The following GPHN variants were observed in gnomAD, a reference collection of about 807,000 sequenced individuals.
The protein encoded by GPHN is gephyrin.
A neutral mutation model predicts 95.5 loss-of-function variants in GPHN; 17 were observed. The observed-to-expected ratio is 0.18, with a 90% confidence interval of 0.12 to 0.27. The LOEUF is 0.27. GPHN is among the 10% of genes least tolerant of loss of function. GPHN has a pLI of 1.00. For synonymous variants in GPHN, 320 were observed against 322.5 expected (o/e 0.99, Z 0.08); for missense variants, 660 against 978.1 (o/e 0.67, Z 4.34).
At chr14:66,839,140 C>G (rs566590337) in intron 4 of GPHN, among the ~76,000 whole-genome samples, 1 of 152,266 alleles carries the variant, frequency 6.6e-6, no homozygotes, top group East Asian at 1.9e-4. Flanking sequence ...CAAGTTCCTT[C>G]AAAAGATGCT....
At chr14:66,878,741 A>AG (rs1459703615) in intron 4 of GPHN, among the ~76,000 whole-genome samples, 1 of 152,204 alleles carries the variant, frequency 6.6e-6, no homozygotes, top group Non-Finnish European at 1.5e-5. Context: ...GATGTGGAAA[A>AG]ATAGGAATGC....
the GPHN span, chr14:67,656,616 T>C: frequency 6.3e-7 from 1 of 1,583,538 alleles, no homozygotes; most frequent in East Asian, 2.2e-5. Flanking sequence ...AGAGAAATGT[T>C]AGACTTTTTC....
At chr14:67,663,130 C>T in the GPHN span, 1 of 1,527,254 alleles carries the variant, frequency 6.5e-7, no homozygotes, top group Non-Finnish European at 8.7e-7. Flanking sequence ...CCCTTTCAGC[C>T]TTTCCCATTC....
the GPHN span, among the ~76,000 whole-genome samples, chr14:67,506,293 A>G: frequency 1.3e-5 from 2 of 152,192 alleles, no homozygotes; most frequent in Non-Finnish European, 2.9e-5. Flanking sequence ...ACCGTCTCCT[A>G]TGAATAACCA....
the GPHN span, among the ~76,000 whole-genome samples, chr14:67,696,267 T>C: frequency 6.6e-6 from 1 of 152,088 alleles, no homozygotes; most frequent in African/African-American, 2.4e-5. Context: ...CAGTGCCTGG[T>C]TCAGTTTTCC....
At chr14:66,935,997 ACTACT>A (rs1198365074) in intron 8 of GPHN, among the ~76,000 whole-genome samples, 2 of 152,180 alleles carry the variant, frequency 1.3e-5, no homozygotes, top group Non-Finnish European at 2.9e-5. Context: ...GGAATTCTTG[ACTACT>A]CTGCTATAGC....
At chr14:66,575,718 G>A (rs1441440549) in intron 1 of GPHN, among the ~76,000 whole-genome samples, 1 of 152,138 alleles carries the variant, frequency 6.6e-6, no homozygotes, top group Non-Finnish European at 1.5e-5. Context: ...TGGCATCAGA[G>A]TCTAATCAAG....
chr14:67,561,571 A>G, the GPHN span, among the ~76,000 whole-genome samples: 2 of 152,090 alleles, frequency 1.3e-5, no homozygotes, highest in Non-Finnish European at 2.9e-5. Context: ...CTCAGAAAAG[A>G]AAAGAATATG....
chr14:66,764,441 T>C (rs952285600), intron 2 of GPHN, among the ~76,000 whole-genome samples: 3 of 146,498 alleles, frequency 2.0e-5, no homozygotes, highest in Non-Finnish European at 4.5e-5. Flanking sequence ...ATATGGTAGG[T>C]TTTTTTTTTT....
the GPHN span, chr14:67,359,817 C>T: frequency 1.7e-6 from 2 of 1,178,444 alleles, no homozygotes; most frequent in Non-Finnish European, 1.2e-6. Flanking sequence ...CACTTGACCC[C>T]TCTTGTTGCT....
chr14:66,690,682 C>A (rs2067709025), intron 2 of GPHN, among the ~76,000 whole-genome samples: 1 of 152,210 alleles, frequency 6.6e-6, no homozygotes, highest in Non-Finnish European at 1.5e-5. Flanking sequence ...TATCTGGGTG[C>A]TCCAATGTTG....
At chr14:67,358,197 G>A in the GPHN span, among the ~76,000 whole-genome samples, 1 of 152,148 alleles carries the variant, frequency 6.6e-6, no homozygotes, top group African/African-American at 2.4e-5. Context: ...AGTTTTGACT[G>A]AGTCATCACG....
At chr14:67,328,168 G>A in the GPHN span, among the ~76,000 whole-genome samples, 35 of 152,224 alleles carry the variant, frequency 2.3e-4, no homozygotes, top group South Asian at 2.9e-3. Context: ...TTTAATGATC[G>A]CCATTCTAAC....
chr14:67,190,140 C>T, the GPHN span, among the ~76,000 whole-genome samples: 6 of 147,398 alleles, frequency 4.1e-5, no homozygotes, highest in Non-Finnish European at 8.9e-5. Flanking sequence ...GTCTTTAACT[C>T]CTGACCTCAG....
intron 1 of GPHN, among the ~76,000 whole-genome samples, chr14:66,545,637 G>A (rs1268883870): frequency 3.0e-5 from 4 of 135,128 alleles, no homozygotes; most frequent in African/African-American, 9.2e-5. Flanking sequence ...TCCCGGACAG[G>A]GTGGCTGGCC....
the GPHN span, among the ~76,000 whole-genome samples, chr14:67,492,335 C>G: frequency 6.6e-6 from 1 of 152,224 alleles, no homozygotes; most frequent in Non-Finnish European, 1.5e-5. Context: ...AAAGAGCTGC[C>G]TCACCTTGCC....
At chr14:67,388,189 G>A in the GPHN span, 4 of 1,418,326 alleles carry the variant, frequency 2.8e-6, no homozygotes, top group Non-Finnish European at 4.0e-6. Context: ...GGAGGCCCCT[G>A]AGATCTTCAG....
chr14:66,629,016 G>C (rs1168711849), intron 1 of GPHN, among the ~76,000 whole-genome samples: 1 of 147,710 alleles, frequency 6.8e-6, no homozygotes, highest in African/African-American at 2.5e-5. Flanking sequence ...AGTGAACTCT[G>C]ATCTCACCAC....
chr14:66,791,558 C>T (rs897188328), intron 3 of GPHN, among the ~76,000 whole-genome samples: 1 of 152,298 alleles, frequency 6.6e-6, no homozygotes, highest in African/African-American at 2.4e-5. Context: ...CTGAGAGTTC[C>T]TCATTTTTTT....
Sources: allele counts gnomAD v4.1 joint callset (sites outside exome capture counted in the v4.1 genomes callset), GRCh38; gene constraint gnomAD v4.1.1; transcripts MANE v1.5; gene names NCBI Gene and HGNC (gene_info 2026-07-23, HGNC 2026-07-21).